The following CLCA2 variants were observed in gnomAD, a reference collection of about 807,000 sequenced individuals.
The protein encoded by CLCA2 is calcium-activated chloride channel regulator 2.
In CLCA2, 85 loss-of-function variants were observed where a neutral mutation model predicts 82.9. The observed-to-expected ratio is 1.03, with a 90% confidence interval of 0.86 to 1.23. CLCA2 has a LOEUF of 1.23. CLCA2 is among the 50% of genes most tolerant of loss of function. The pLI is 0.00. For synonymous variants in CLCA2, 421 were observed against 391.7 expected (o/e 1.07, Z -0.88); for missense variants, 1,089 against 1,124.8 (o/e 0.97, Z 0.45).
intron 13 of CLCA2, among the ~76,000 whole-genome samples, 161 bp from the exon 14 acceptor site, chr1:86,454,924 C>A (rs1663043310): frequency 6.7e-6 from 1 of 150,226 alleles, no homozygotes; most frequent in African/African-American, 2.4e-5. Context: ...TAATATGAGT[C>A]CTTGTGTAGT....
rs751807323 is a variant in CLCA2, at chr1:86,450,546, G to GT, written c.1985-11dup. The GT allele has an allele frequency of 6.3e-7, 1 of 1,592,434 alleles. No individual in the cohort carries two copies. The highest frequency in any genetic ancestry group is 1.3e-5 in the African/African-American group (1 of 74,368). ...CTATAATAACAAGTGTTGACACTGT[G>GT]TTTTTTATATATACAGGTGCTGATG... is the stretch of plus-strand genomic sequence containing the variant. On this transcript the variant is annotated splice_polypyrimidine_tract_variant and intron_variant, in intron 11 of 13. Coordinates refer to ENST00000370565, the MANE Select transcript of CLCA2 (RefSeq NM_006536.7).
intron 6 of CLCA2, among the ~76,000 whole-genome samples, chr1:86,436,373 C>G (rs1662609776): frequency 6.6e-6 from 1 of 152,198 alleles, no homozygotes; most frequent in Non-Finnish European, 1.5e-5. Context: ...CCCTCCCTAC[C>G]TCCCTTTTCC....
chr1:86,436,870 C>T (rs1185982894), intron 6 of CLCA2, among the ~76,000 whole-genome samples: 2 of 152,100 alleles, frequency 1.3e-5, no homozygotes, highest in South Asian at 2.1e-4. Flanking sequence ...TGTGCCACCA[C>T]GCCCAGCTAA....
chr1:86,427,573 C>CAA (rs1306532585), intron 2 of CLCA2, among the ~76,000 whole-genome samples: 1 of 150,406 alleles, frequency 6.6e-6, no homozygotes. Flanking sequence ...CACACACACA[C>CAA]AAAACACATA....
chr1:86,430,574 G>C (rs1558102758), intron 3 of CLCA2, among the ~76,000 whole-genome samples: 1 of 152,296 alleles, frequency 6.6e-6, no homozygotes, highest in East Asian at 1.9e-4. Flanking sequence ...GGGGAGATGA[G>C]AGGATGTGGG....
Position 86,455,111 on chromosome 1 carries a change from A to G in CLCA2, c.2416A>G (p.Lys806Glu). The stretch of plus-strand genomic sequence containing the variant: ...TACAAGCTATGAAATAAGAATGAGT[A>G]AAAGTCTACAGAATATCCAAGATGA... ...QATSYEIRMS[K>E]SLQNIQDDFN... The change falls in exon 14 of 14, where the codon AAA (lysine) becomes GAA (glutamate). Residue 806 changes from lysine to glutamate, a missense_variant. By Grantham distance (56) the Lys-to-Glu change is moderately conservative (BLOSUM62 1). Transcript: ENST00000370565. 1 of 1,575,248 alleles carries G rather than the reference A, an allele frequency of 6.3e-7. No homozygotes were observed. The highest frequency in any genetic ancestry group is 1.8e-5 in the Admixed American group (1 of 54,510).
At chr1:86,450,798 T>G in intron 12 of CLCA2, 65 bp downstream of exon 12, 1 of 1,380,116 alleles carries the variant, frequency 7.2e-7, no homozygotes, top group East Asian at 2.5e-5. Flanking sequence ...GATGGGTATG[T>G]GTGTACTGGG....
intron 6 of CLCA2, among the ~76,000 whole-genome samples, chr1:86,435,609 G>A (rs567354987): frequency 9.2e-5 from 14 of 152,262 alleles, no homozygotes; most frequent in East Asian, 3.9e-4. Context: ...ATATGTCTTC[G>A]TTATAAAGAG....
At chr1:86,451,936 T>C (rs1570268436) in intron 12 of CLCA2, among the ~76,000 whole-genome samples, 1 of 152,132 alleles carries the variant, frequency 6.6e-6, no homozygotes, top group African/African-American at 2.4e-5. Context: ...TATTAGTTAA[T>C]CTCATTAATC....
intron 11 of CLCA2, among the ~76,000 whole-genome samples, chr1:86,449,138 A>G (rs149795780): frequency 1.3e-5 from 2 of 152,386 alleles, no homozygotes; most frequent in East Asian, 3.9e-4. Flanking sequence ...TAATACTTTT[A>G]TAATGGAAGC....
intron 11 of CLCA2, 79 bp downstream of exon 11, chr1:86,447,857 T>C: frequency 7.1e-7 from 1 of 1,412,988 alleles, no homozygotes; most frequent in Non-Finnish European, 9.5e-7. Flanking sequence ...ATATTAAGCT[T>C]ATCTGTAAGA....
At chr1:86,426,944 G>C (rs1400379772) in intron 2 of CLCA2, among the ~76,000 whole-genome samples, 1 of 152,164 alleles carries the variant, frequency 6.6e-6, no homozygotes, top group African/African-American at 2.4e-5. Flanking sequence ...GAAAATATGA[G>C]TGAACGGAAA....
chr1:86,432,460 TG>T lies in CLCA2; in HGVS notation c.677del (p.Cys226SerfsTer15). On this transcript the variant is annotated frameshift_variant, in exon 5 of 14. Transcript: ENST00000370565. LOFTEE classifies it high-confidence loss of function. ...TATTAGTAAGCTTTTTAAAGAAGGA[TG>T]CACCTTTATCTACAATAGCACCCAA... Reference protein sequence around the residue: ...CIISKLFKEGCTFIYNSTQNA... With the variant: ...CIISKLFKEGXTFIYNSTQNA... 1.2e-6 allele frequency: 2 copies of T among 1,614,066 alleles called. No individual in the cohort carries two copies. The highest frequency in any genetic ancestry group is 1.7e-6 in the Non-Finnish European group (2 of 1,179,976).
At chr1:86,432,261 A>G (rs1053960889) in intron 4 of CLCA2, 108 bp from the exon 5 acceptor site, 6 of 1,324,796 alleles carry the variant, frequency 4.5e-6, no homozygotes, top group African/African-American at 1.5e-5. Context: ...AAAGTTTTGT[A>G]TATATCTAGC....
intron 10 of CLCA2, chr1:86,445,656 G>C (rs1407814953): frequency 2.0e-5 from 3 of 151,796 alleles, no homozygotes; most frequent in African/African-American, 7.3e-5. Context: ...TTGATAAAAT[G>C]GTTGCTTTAT....
intron 8 of CLCA2, 23 bp downstream of exon 8, chr1:86,440,348 T>A (rs752016716): frequency 3.5e-5 from 56 of 1,603,422 alleles, no homozygotes; most frequent in Admixed American, 1.7e-4. Context: ...TAAAAACTTA[T>A]CTTTTGGAGC....
At chr1:86,427,253 G>C (rs192465694) in intron 2 of CLCA2, among the ~76,000 whole-genome samples, 73 of 152,060 alleles carry the variant, frequency 4.8e-4, no homozygotes, top group African/African-American at 1.6e-3. Context: ...ATTCCATGAA[G>C]GGCACTCTTT....
chr1:86,438,603 T>C (rs1662660166), intron 6 of CLCA2, among the ~76,000 whole-genome samples: 1 of 152,116 alleles, frequency 6.6e-6, no homozygotes, highest in Non-Finnish European at 1.5e-5. Context: ...TGGAGTGAAA[T>C]AGTGGGGATG....
intron 12 of CLCA2, 66 bp downstream of exon 12, chr1:86,450,799 G>A: frequency 7.6e-7 from 1 of 1,319,130 alleles, no homozygotes; most frequent in Non-Finnish European, 1.0e-6. Context: ...ATGGGTATGT[G>A]TGTACTGGGG....
Sources: allele counts gnomAD v4.1 joint callset (sites outside exome capture counted in the v4.1 genomes callset), GRCh38; gene constraint gnomAD v4.1.1; transcripts MANE v1.5; gene names NCBI Gene and HGNC (gene_info 2026-07-23, HGNC 2026-07-21).